Variants in GALNT13 observed in about 807,000 individuals in gnomAD.
GALNT13 encodes polypeptide N-acetylgalactosaminyltransferase 13.
GALNT13 carries 28 observed loss-of-function variants against 64.2 expected under a neutral mutation model. That is an observed-to-expected ratio of 0.44 (90% CI 0.32 to 0.60). GALNT13 has a LOEUF of 0.60. GALNT13 is among the 20% of genes least tolerant of loss of function. The pLI, the probability that GALNT13 is intolerant of heterozygous loss-of-function variation, is 0.05. For missense variants in GALNT13, 577 were observed against 669.8 expected, an observed-to-expected ratio of 0.86 and a Z score of 1.53; for synonymous variants, 214 against 224.6, an observed-to-expected ratio of 0.95 and a Z score of 0.42.
At chr2:153,850,387 C>G in the GALNT13 span, among the ~76,000 whole-genome samples, 1 of 152,042 alleles carries the variant, frequency 6.6e-6, no homozygotes, top group Admixed American at 6.6e-5. Context: ...CTATTGAAGC[C>G]TACAGGCAAC....
chr2:154,268,790 A>G (rs1691163921), intron 8 of GALNT13, among the ~76,000 whole-genome samples: 1 of 152,138 alleles, frequency 6.6e-6, no homozygotes, highest in African/African-American at 2.4e-5. Flanking sequence ...ATCTGATTAT[A>G]ACAGTCTACC....
chr2:153,617,002 A>G, the GALNT13 span, among the ~76,000 whole-genome samples: 1 of 152,016 alleles, frequency 6.6e-6, no homozygotes, highest in Non-Finnish European at 1.5e-5. Context: ...ATAATGGCCA[A>G]AGACTTCAAC....
the GALNT13 span, among the ~76,000 whole-genome samples, chr2:153,455,790 G>C: frequency 6.6e-6 from 1 of 152,270 alleles, no homozygotes; most frequent in African/African-American, 2.4e-5. Context: ...CAGTGTGGCA[G>C]CCTTTTGTGT....
At chr2:154,264,341 T>A (rs1690862486) in intron 8 of GALNT13, among the ~76,000 whole-genome samples, 1 of 151,568 alleles carries the variant, frequency 6.6e-6, no homozygotes, top group Non-Finnish European at 1.5e-5. Flanking sequence ...CCATGGATAG[T>A]CTGGATGTGG....
chr2:153,779,410 G>C, the GALNT13 span, among the ~76,000 whole-genome samples: 1 of 151,998 alleles, frequency 6.6e-6, no homozygotes, highest in Non-Finnish European at 1.5e-5. Flanking sequence ...TGCTTCTCAG[G>C]CACCTCATTT....
chr2:154,074,428 A>G, intron 3 of GALNT13, among the ~76,000 whole-genome samples: 1 of 152,038 alleles, frequency 6.6e-6, no homozygotes, highest in East Asian at 1.9e-4. Flanking sequence ...TACATACATA[A>G]TTTTGTTTTC....
At chr2:153,917,900 G>GTA (rs372223451) in intron 2 of GALNT13, among the ~76,000 whole-genome samples, 1 of 134,650 alleles carries the variant, frequency 7.4e-6, no homozygotes, top group East Asian at 2.3e-4. Flanking sequence ...GCAGTTATCT[G>GTA]TTAATCATGA....
the GALNT13 span, among the ~76,000 whole-genome samples, chr2:153,130,168 A>G: frequency 4.6e-5 from 7 of 152,186 alleles, no homozygotes; most frequent in Non-Finnish European, 7.3e-5. Context: ...CCTGCCCTGG[A>G]CAAGGCATCA....
At chr2:153,677,819 G>T in the GALNT13 span, among the ~76,000 whole-genome samples, 2 of 152,052 alleles carry the variant, frequency 1.3e-5, no homozygotes, top group Non-Finnish European at 2.9e-5. Context: ...TAGTGTAACT[G>T]CCTAGTCATG....
At chr2:153,637,375 T>G in the GALNT13 span, among the ~76,000 whole-genome samples, 1 of 152,190 alleles carries the variant, frequency 6.6e-6, no homozygotes, top group Non-Finnish European at 1.5e-5. Flanking sequence ...GCTGTTCTTA[T>G]GCAGTGGAAA....
the GALNT13 span, among the ~76,000 whole-genome samples, chr2:153,809,601 A>G: frequency 2.0e-5 from 3 of 152,196 alleles, no homozygotes; most frequent in East Asian, 5.8e-4. Flanking sequence ...AACCAATCAT[A>G]ATCAAAAAGG....
At chr2:153,497,031 A>G in the GALNT13 span, among the ~76,000 whole-genome samples, 1 of 151,698 alleles carries the variant, frequency 6.6e-6, no homozygotes, top group Non-Finnish European at 1.5e-5. Flanking sequence ...GAAAAAAAAG[A>G]ATGTATCTCT....
At chr2:154,087,125 A>G (rs1337250472) in intron 3 of GALNT13, among the ~76,000 whole-genome samples, 1 of 152,094 alleles carries the variant, frequency 6.6e-6, no homozygotes, top group East Asian at 1.9e-4. Context: ...CAAAAGAAGA[A>G]AGGCATTTCT....
chr2:154,139,694 G>T (rs1231405709), intron 3 of GALNT13, among the ~76,000 whole-genome samples: 5 of 151,632 alleles, frequency 3.3e-5, no homozygotes, highest in Non-Finnish European at 7.4e-5. Flanking sequence ...GGACTTTAGT[G>T]TAGTGATAAC....
chr2:154,192,532 T>A (rs1014781948), intron 4 of GALNT13, among the ~76,000 whole-genome samples: 2 of 150,380 alleles, frequency 1.3e-5, no homozygotes, highest in African/African-American at 4.9e-5. Flanking sequence ...ATATATATAT[T>A]TAACAGCATT....
the GALNT13 span, among the ~76,000 whole-genome samples, chr2:153,526,451 C>T: frequency 6.6e-6 from 1 of 152,358 alleles, no homozygotes; most frequent in Middle Eastern, 3.4e-3. Flanking sequence ...CCAAGACCAT[C>T]AAGGTGGCAC....
At chr2:154,303,427 A>G (rs1334710012) in intron 9 of GALNT13, among the ~76,000 whole-genome samples, 1 of 152,090 alleles carries the variant, frequency 6.6e-6, no homozygotes, top group Admixed American at 6.5e-5. Flanking sequence ...CTTACTGTAC[A>G]TATGGCTGCC....
the GALNT13 span, among the ~76,000 whole-genome samples, chr2:153,726,157 A>G: frequency 1.3e-5 from 2 of 152,322 alleles, no homozygotes; most frequent in East Asian, 3.9e-4. Context: ...ACATATTCAC[A>G]TGCATATACA....
chr2:154,097,995 A>C (rs1286751463), intron 3 of GALNT13, among the ~76,000 whole-genome samples: 1 of 151,936 alleles, frequency 6.6e-6, no homozygotes, highest in African/African-American at 2.4e-5. Context: ...TCAGTGGCAG[A>C]CTGGAGACGT....
Sources: gnomAD v4.1 joint callset for allele counts (sites outside exome capture counted in the v4.1 genomes callset) on GRCh38, gnomAD v4.1.1 for gene constraint, MANE v1.5 for transcripts, NCBI Gene and HGNC (gene_info 2026-07-23, HGNC 2026-07-21) for gene names.